The following SPAG17 variants were observed in gnomAD, a reference collection of about 807,000 sequenced individuals.
SPAG17 encodes sperm-associated antigen 17.
Under a neutral mutation model 273.6 loss-of-function variants are expected in SPAG17, and 169 were observed. The observed-to-expected ratio is 0.62, with a 90% CI of 0.55 to 0.70. SPAG17 has a LOEUF of 0.70. Ranked by LOEUF, SPAG17 falls within the 30% of genes least tolerant of loss-of-function variation. The probability of loss-of-function intolerance (pLI) is 0.00; values close to 1 mark genes in which losing one functional copy is unlikely to be tolerated. For synonymous variants in SPAG17, 825 were observed against 873.2 expected (o/e 0.94, Z 0.97); for missense variants, 2,557 against 2,627.8 (o/e 0.97, Z 0.59).
intron 3 of SPAG17, among the ~76,000 whole-genome samples, chr1:118,148,692 G>A (rs1659204360): frequency 6.6e-6 from 1 of 152,178 alleles, no homozygotes; most frequent in Non-Finnish European, 1.5e-5. Context: ...CCTCTCACTA[G>A]TTGGTACAAC....
intron 45 of SPAG17, among the ~76,000 whole-genome samples, chr1:117,970,347 T>C (rs1417282641): frequency 6.6e-6 from 1 of 152,212 alleles, no homozygotes; most frequent in African/African-American, 2.4e-5. Context: ...CCAACCTGAG[T>C]TTCAACCCTT....
Position 117,973,355 on chromosome 1 carries a change from AAAAT to A in SPAG17, c.6141+66_6141+69del, listed in dbSNP as rs1399703583. 2.6e-6 allele frequency: 4 copies of A among 1,560,444 alleles called. No homozygotes were observed. In the African/African-American group the frequency reaches 5.6e-5, roughly 22 times the overall value. ...ATCTACAAAAGGAGCAGGATTGAAA[AAAAT>A]AAAAAATAAAGAATTCCATCAAATG... On this transcript the variant is annotated intron_variant, in intron 44 of 48. Transcript: ENST00000336338.
At chr1:118,091,503 T>A (rs1655368534) in intron 10 of SPAG17, 103 bp downstream of exon 10, 1 of 653,164 alleles carries the variant, frequency 1.5e-6, no homozygotes, top group African/African-American at 1.8e-5. Context: ...GAGAATGCAC[T>A]TAGGTATTAT....
chr1:117,986,057 C>G (rs950444452), intron 40 of SPAG17, among the ~76,000 whole-genome samples: 1 of 152,128 alleles, frequency 6.6e-6, no homozygotes, highest in Non-Finnish European at 1.5e-5. Context: ...GTGAAACAAC[C>G]AGCCAGCATC....
chr1:117,963,295 C>T (rs1401571502), intron 48 of SPAG17: 2 of 152,118 alleles, frequency 1.3e-5, no homozygotes, highest in Admixed American at 6.5e-5. Context: ...CTGAATTCTA[C>T]CTTGCATGAG....
Position 118,025,332 on chromosome 1 carries a change from T to G in SPAG17, c.3815A>C (p.Tyr1272Ser), listed in dbSNP as rs1647614151. The G allele has an allele frequency of 6.2e-7, 1 of 1,613,582 alleles. No individual in the cohort carries two copies. The highest frequency in any genetic ancestry group is 8.5e-7 in the Non-Finnish European group (1 of 1,179,752). ...CTCTGCGGGTGGCATCACCGTTTTA[T>G]AGAACTCATAGTGCTTCACCCTCTG... ...YPQRVKHYEF[Y>S]KTVMPPAEQE... Residue 1272 changes from tyrosine (Y) to serine (S), a missense_variant, in exon 27 of 49, where the codon TAT (tyrosine) becomes TCT (serine). By Grantham distance (144) the Tyr-to-Ser change is moderately radical. Coordinates refer to ENST00000336338, the MANE Select transcript of SPAG17 (RefSeq NM_206996.4).
At chr1:118,103,840 AGTGTGT>A (rs60797775) in intron 4 of SPAG17, among the ~76,000 whole-genome samples, 2 of 136,284 alleles carry the variant, frequency 1.5e-5, no homozygotes, top group Admixed American at 7.4e-5. Flanking sequence ...GGGAAAATGT[AGTGTGT>A]GTGTGTGTGT....
At chr1:117,956,447 T>C (rs898884991) in intron 48 of SPAG17, among the ~76,000 whole-genome samples, 4 of 152,222 alleles carry the variant, frequency 2.6e-5, no homozygotes, top group Non-Finnish European at 5.9e-5. Flanking sequence ...AGGATAAAGA[T>C]GAAACTTCAC....
At chr1:118,123,531 C>T (rs191803612) in intron 3 of SPAG17, among the ~76,000 whole-genome samples, 85 of 152,214 alleles carry the variant, frequency 5.6e-4, no homozygotes, top group Non-Finnish European at 1.0e-3. Flanking sequence ...GTCTGTCTAA[C>T]GCAAATGGAA....
chr1:118,003,650 GT>G (rs1658556279), intron 32 of SPAG17, among the ~76,000 whole-genome samples: 1 of 152,098 alleles, frequency 6.6e-6, no homozygotes, highest in Non-Finnish European at 1.5e-5. Context: ...TCATGTCATG[GT>G]TTTCAGCTCC....
Position 118,092,012 on chromosome 1 carries a change from G to T in SPAG17, c.1174-10C>A. On this transcript the variant is annotated splice_polypyrimidine_tract_variant and intron_variant, in intron 8 of 48. Coordinates refer to ENST00000336338, the MANE Select transcript of SPAG17 (RefSeq NM_206996.4). ...CAGCAGGTTGTGGAGCCTAGAAAAA[G>T]AATAATTAAAAAGAAACAACTGAGA... 6.2e-7 allele frequency: 1 copy of T among 1,612,448 alleles called. No homozygotes were observed. The highest frequency in any genetic ancestry group is 8.5e-7 in the Non-Finnish European group (1 of 1,178,882).
intron 3 of SPAG17, among the ~76,000 whole-genome samples, chr1:118,133,369 G>A (rs571009953): frequency 7.9e-5 from 12 of 152,174 alleles, no homozygotes; most frequent in Admixed American, 3.3e-4. Flanking sequence ...GCAAGTGGAC[G>A]TAAGTGTGGC....
Position 117,954,050 on chromosome 1 carries a change from C to T in SPAG17, c.*1-1G>A, listed in dbSNP as rs1435463254. The T allele has an allele frequency of 1.2e-6, 2 of 1,612,036 alleles. No homozygotes were observed. The highest frequency in any genetic ancestry group is 2.2e-5 in the South Asian group (2 of 90,944). Reference sequence around the variant, plus strand: ...GCTATTGAGTTGTACCGAGAAGAAACTGCAAAAATGAAGGAACACAAAGCC... The same window carrying T: ...GCTATTGAGTTGTACCGAGAAGAAATTGCAAAAATGAAGGAACACAAAGCC... On this transcript the variant is annotated splice_acceptor_variant, in intron 48 of 48. Transcript: ENST00000336338. LOFTEE classifies it low-confidence loss of function (3UTR_SPLICE).
intron 15 of SPAG17, among the ~76,000 whole-genome samples, chr1:118,077,866 G>A (rs1052016099): frequency 6.6e-6 from 1 of 152,132 alleles, no homozygotes; most frequent in African/African-American, 2.4e-5. Flanking sequence ...AGGAATTTCT[G>A]GAACTCAGGA....
chr1:118,004,458 G>A (rs575184107), intron 32 of SPAG17, among the ~76,000 whole-genome samples: 10 of 152,328 alleles, frequency 6.6e-5, no homozygotes, highest in Non-Finnish European at 1.0e-4. Flanking sequence ...GCTGAGCTGT[G>A]GTGGGCTTTG....
chr1:117,976,693 G>A (rs1037484096), intron 43 of SPAG17, among the ~76,000 whole-genome samples: 16 of 152,160 alleles, frequency 1.1e-4, no homozygotes, highest in Non-Finnish European at 1.9e-4. Flanking sequence ...AGGTGTGCTG[G>A]TGAATGGTTA....
intron 22 of SPAG17, 85 bp from the exon 23 acceptor site, chr1:118,039,529 A>G: frequency 7.3e-7 from 1 of 1,370,836 alleles, no homozygotes; most frequent in Non-Finnish European, 1.0e-6. Context: ...AATGCTGCAC[A>G]GAAACAAACA....
chr1:118,170,698 C>T (rs1366540204), intron 1 of SPAG17, among the ~76,000 whole-genome samples: 3 of 152,132 alleles, frequency 2.0e-5, no homozygotes, highest in South Asian at 2.1e-4. Flanking sequence ...GAAAGATGCT[C>T]GAGGTTACCC....
chr1:118,059,534 T>C (rs1370731111), intron 18 of SPAG17, among the ~76,000 whole-genome samples: 1 of 152,128 alleles, frequency 6.6e-6, no homozygotes, highest in Non-Finnish European at 1.5e-5. Flanking sequence ...AATCCAATCC[T>C]AGTGCTATTG....
Sources: allele counts gnomAD v4.1 joint callset (sites outside exome capture counted in the v4.1 genomes callset), GRCh38; gene constraint gnomAD v4.1.1; transcripts MANE v1.5; gene names NCBI Gene and HGNC (gene_info 2026-07-23, HGNC 2026-07-21).